Variants in CCDC85A observed in about 807,000 individuals in gnomAD.
CCDC85A encodes the protein coiled-coil domain-containing protein 85A.
A neutral mutation model predicts 50.2 loss-of-function variants in CCDC85A; 38 were observed. That is an observed-to-expected ratio of 0.76 (90% CI 0.58 to 0.99). CCDC85A has a LOEUF of 0.99. Among genes scored for constraint, CCDC85A ranks in the 50% least tolerant of loss-of-function variants. The pLI is 0.00. For missense variants in CCDC85A, 820 were observed against 742.0 expected (o/e 1.11, Z -1.22); for synonymous variants, 366 against 301.4 (o/e 1.21, Z -2.22).
chr2:56,228,279 T>G (rs920179695), intron 2 of CCDC85A, among the ~76,000 whole-genome samples: 1 of 151,912 alleles, frequency 6.6e-6, no homozygotes, highest in Non-Finnish European at 1.5e-5. Flanking sequence ...TGTATACATA[T>G]GTAACAAACC....
rs531527213 is a variant in CCDC85A at position 56,184,910 on chromosome 2, G to T, written c.276+10G>T. On this transcript the variant is annotated intron_variant, in intron 1 of 5. Transcript: ENST00000407595. ...GATCCGCGGCCTCAAGGTGAGCGCG[G>T]GCCAGGTGGGGAGGCGCGGCGCGGC... is the stretch of plus-strand genomic sequence containing the variant. 1,028 of 1,484,144 alleles carry T rather than the reference G, an allele frequency of 6.9e-4. 4 individuals carry two copies. Among genetic ancestry groups the T allele is most frequent in the South Asian group, 6.8e-3 (519 of 76,142 alleles). 91.9% of individuals were successfully genotyped at this position (1,484,144 alleles called of 1,614,324 possible). A position where few individuals can be genotyped will look rare whatever the true frequency, so the allele number is the denominator to read the frequency against.
chr2:56,226,304 G>A (rs989757959), intron 2 of CCDC85A, among the ~76,000 whole-genome samples: 1 of 152,170 alleles, frequency 6.6e-6, no homozygotes, highest in African/African-American at 2.4e-5. Flanking sequence ...GGCAAGGACT[G>A]TATCTGTTTT....
intron 4 of CCDC85A, among the ~76,000 whole-genome samples, chr2:56,374,487 CTCT>C (rs1676238157): frequency 6.6e-6 from 1 of 152,136 alleles, no homozygotes; most frequent in South Asian, 2.1e-4. Context: ...GTGCAGTTTT[CTCT>C]TCTTATCTCT....
At chr2:56,286,487 G>C (rs146900918) in intron 2 of CCDC85A, among the ~76,000 whole-genome samples, 1 of 151,974 alleles carries the variant, frequency 6.6e-6, no homozygotes, top group Non-Finnish European at 1.5e-5. Context: ...GATCCTCTAT[G>C]CTGTAGTCTT....
chr2:56,345,930 C>T lies in CCDC85A; in HGVS notation c.1317+2975C>T, dbSNP rs143228675. Among the ~76,000 whole-genome samples, 1,087 of 152,280 alleles carry T rather than the reference C, an allele frequency of 7.1e-3. 9 individuals are homozygous for T. The highest frequency in any genetic ancestry group is 0.024 in the African/African-American group (1,008 of 41,550). On this transcript the variant is annotated intron_variant, in intron 3 of 5. Coordinates refer to ENST00000407595, the MANE Select transcript of CCDC85A (RefSeq NM_001080433.2). Reference sequence around the variant, plus strand: ...ATTTTCAGTTATAAGAATTTGTTTGCTATGCCTTGATCAGAAGGTATTCCT... The same window carrying T: ...ATTTTCAGTTATAAGAATTTGTTTGTTATGCCTTGATCAGAAGGTATTCCT...
chr2:56,332,392 T>G (rs1312600080), intron 2 of CCDC85A, among the ~76,000 whole-genome samples: 1 of 152,120 alleles, frequency 6.6e-6, no homozygotes, highest in East Asian at 1.9e-4. Context: ...CACCCATAGA[T>G]TTGGTGTCTG....
intron 4 of CCDC85A, 149 bp from the exon 5 acceptor site, chr2:56,375,667 T>C: frequency 2.7e-6 from 2 of 740,830 alleles, no homozygotes; most frequent in East Asian, 2.8e-5. Flanking sequence ...TGTGTTCCAA[T>C]GAACAGATTG....
intron 2 of CCDC85A, among the ~76,000 whole-genome samples, chr2:56,202,159 G>C (rs1676771836): frequency 6.6e-6 from 1 of 152,164 alleles, no homozygotes. Flanking sequence ...ATGAGAGTGT[G>C]AGATAAGATA....
In CCDC85A at chr2:56,309,689, C is replaced by A. The variant is rs141551294; in HGVS notation, c.1241-33190C>A. On this transcript the variant is annotated intron_variant, in intron 2 of 5. Transcript: ENST00000407595. ...AAACAGTTTTAGGAAGGTTTTTGAA[C>A]AAATTAAAGAAGCTACTGTGTATCC... Among the ~76,000 whole-genome samples the A allele has an allele frequency of 3.9e-4, 59 of 152,146 alleles. No individual in the cohort carries two copies. In the East Asian group the frequency reaches 0.011, roughly 28 times the overall value.
chr2:56,186,348 G>A (rs566033514), intron 1 of CCDC85A, among the ~76,000 whole-genome samples: 7 of 152,266 alleles, frequency 4.6e-5, no homozygotes, highest in Non-Finnish European at 8.8e-5. Flanking sequence ...GGGTGAGCTT[G>A]GGTAATTACT....
chr2:56,241,626 C>T (rs1049371343), intron 2 of CCDC85A, among the ~76,000 whole-genome samples: 2 of 152,096 alleles, frequency 1.3e-5, no homozygotes, highest in East Asian at 1.9e-4. Flanking sequence ...GCATAGTGAC[C>T]TCCAATTCCA....
chr2:56,267,482 T>C (rs1185786898), intron 2 of CCDC85A, among the ~76,000 whole-genome samples: 1 of 152,216 alleles, frequency 6.6e-6, no homozygotes, highest in Non-Finnish European at 1.5e-5. Context: ...AACTCCTATT[T>C]AAAAAGATAT....
At chr2:56,278,490 T>C (rs1573160114) in intron 2 of CCDC85A, among the ~76,000 whole-genome samples, 1 of 152,318 alleles carries the variant, frequency 6.6e-6, no homozygotes, top group East Asian at 1.9e-4. Flanking sequence ...GATATCTGGT[T>C]CAAGGATCAT....
intron 2 of CCDC85A, among the ~76,000 whole-genome samples, chr2:56,238,181 C>T (rs749629719): frequency 6.6e-6 from 1 of 152,078 alleles, no homozygotes; most frequent in Non-Finnish European, 1.5e-5. Context: ...TTTGGGAGGC[C>T]GAGGTGGGCG....
intron 2 of CCDC85A, among the ~76,000 whole-genome samples, chr2:56,316,235 G>T (rs1573239062): frequency 6.6e-6 from 1 of 152,144 alleles, no homozygotes; most frequent in Non-Finnish European, 1.5e-5. Flanking sequence ...GGTTTGGACA[G>T]CTTTTAACCA....
At chr2:56,308,594 T>A (rs113670217) in intron 2 of CCDC85A, among the ~76,000 whole-genome samples, 1 of 152,082 alleles carries the variant, frequency 6.6e-6, no homozygotes, top group African/African-American at 2.4e-5. Flanking sequence ...AAATAGGACC[T>A]AATAATACCT....
intron 3 of CCDC85A, among the ~76,000 whole-genome samples, chr2:56,361,597 A>G (rs1675529290): frequency 6.6e-6 from 1 of 152,238 alleles, no homozygotes; most frequent in Non-Finnish European, 1.5e-5. Flanking sequence ...GACTTGAATA[A>G]AGGAAGTATG....
At chr2:56,344,023 AAC>A (rs1442493109) in intron 3 of CCDC85A, among the ~76,000 whole-genome samples, 4 of 152,218 alleles carry the variant, frequency 2.6e-5, no homozygotes, top group African/African-American at 9.6e-5. Context: ...TCCATTGGCT[AAC>A]AGTCTGCCCA....
chr2:56,193,934 C>T (rs1202042877), intron 2 of CCDC85A, among the ~76,000 whole-genome samples: 38 of 152,166 alleles, frequency 2.5e-4, no homozygotes, highest in Admixed American at 2.5e-3. Flanking sequence ...GTATGATGTT[C>T]CTAAACAGGC....
Sources: allele counts gnomAD v4.1 joint callset (sites outside exome capture counted in the v4.1 genomes callset), GRCh38; gene constraint gnomAD v4.1.1; transcripts MANE v1.5; gene names NCBI Gene and HGNC (gene_info 2026-07-23, HGNC 2026-07-21).